NAV2: variants seen among roughly 807,000 people sequenced by gnomAD.
The protein encoded by NAV2 is neuron navigator 2, also known as helicase, APC down-regulated 1.
NAV2 carries 54 observed loss-of-function variants against 223.2 expected under a neutral mutation model. That is an observed-to-expected ratio of 0.24 (90% CI 0.19 to 0.30). The LOEUF is 0.30. NAV2 is among the 10% of genes least tolerant of loss of function. NAV2 has a pLI of 1.00. For missense variants in NAV2, 2,806 were observed against 3,147.5 expected, an observed-to-expected ratio of 0.89 and a Z score of 2.60; for synonymous variants, 1,279 against 1,239.3, an observed-to-expected ratio of 1.03 and a Z score of -0.67.
intron 26 of NAV2, among the ~76,000 whole-genome samples, chr11:20,089,549 C>A (rs542458707): frequency 6.6e-6 from 1 of 151,696 alleles, no homozygotes; most frequent in East Asian, 1.9e-4. Flanking sequence ...TCTGCAGAGA[C>A]CACATGCTCA....
intron 6 of NAV2, among the ~76,000 whole-genome samples, chr11:19,906,131 G>T (rs2042847120): frequency 6.6e-6 from 1 of 152,192 alleles, no homozygotes; most frequent in African/African-American, 2.4e-5. Context: ...CTGCATGCTG[G>T]CTGGTCTGTA....
rs564849694 is a variant in NAV2, at chr11:19,428,429, C to T, written c.75+77402C>T. On this transcript the variant is annotated intron_variant, in intron 1 of 37. Coordinates refer to the NAV2 transcript ENST00000360655. ...GCCTCACTGAGAATTAGCTCCTTGA[C>T]GCATTCAAGCTAGTGTACCTTCTTG... Among the ~76,000 whole-genome samples, 36 of 152,268 alleles carry T rather than the reference C, an allele frequency of 2.4e-4. No homozygotes were observed. The East Asian group carries it at 5.8e-3, about 24-fold the overall frequency.
chr11:19,772,895 G>A (rs1041971572), intron 1 of NAV2, among the ~76,000 whole-genome samples: 8 of 152,176 alleles, frequency 5.3e-5, no homozygotes, highest in African/African-American at 1.9e-4. Flanking sequence ...TATGTTATCT[G>A]GGAAATACAT....
intron 24 of NAV2, among the ~76,000 whole-genome samples, chr11:20,078,738 A>C (rs1041265413): frequency 6.6e-6 from 1 of 152,224 alleles, no homozygotes; most frequent in African/African-American, 2.4e-5. Context: ...GATTACGAGC[A>C]TGAGCCACCA....
chr11:19,984,749 C>T (rs1271219066), intron 11 of NAV2, among the ~76,000 whole-genome samples: 3 of 152,158 alleles, frequency 2.0e-5, no homozygotes, highest in South Asian at 2.1e-4. Context: ...AAGTAGTTGA[C>T]ATCATAGAGG....
intron 1 of NAV2, among the ~76,000 whole-genome samples, chr11:19,815,130 A>G (rs1439282073): frequency 6.6e-6 from 1 of 151,574 alleles, no homozygotes; most frequent in Non-Finnish European, 1.5e-5. Context: ...AGGTGTAGGG[A>G]AAAAAACCCC....
At chr11:19,891,660 T>C (rs2041507299) in intron 5 of NAV2, among the ~76,000 whole-genome samples, 1 of 152,200 alleles carries the variant, frequency 6.6e-6, no homozygotes, top group Non-Finnish European at 1.5e-5. Context: ...TGAAGGGAAA[T>C]GTATGTGTGG....
intron 1 of NAV2, among the ~76,000 whole-genome samples, chr11:19,614,469 A>G (rs546120080): frequency 2.0e-5 from 3 of 150,908 alleles, no homozygotes; most frequent in Non-Finnish European, 2.9e-5. Flanking sequence ...AAAATTGAGC[A>G]GAAGTACAGA....
chr11:19,934,106 G>GA lies in NAV2; in HGVS notation c.1866dup (p.Gly623ArgfsTer62). 6.2e-7 allele frequency: 1 copy of GA among 1,613,834 alleles called. No individual in the cohort carries two copies. Among genetic ancestry groups the GA allele is most frequent in the Non-Finnish European group, 8.5e-7 (1 of 1,179,862 alleles). On this transcript the variant is annotated frameshift_variant, in exon 7 of 38. Transcript: ENST00000349880. LOFTEE classifies it high-confidence loss of function. Reference sequence around the variant, plus strand: ...TCTTCCAGCCTGGCGTCCTCAGAAGGAAAAGGCCCAGGAGGGACCACCCTG... The same window carrying GA: ...TCTTCCAGCCTGGCGTCCTCAGAAGGAAAAAGGCCCAGGAGGGACCACCCTG...
chr11:19,980,770 A>G (rs1357025567), intron 10 of NAV2, among the ~76,000 whole-genome samples: 1 of 152,238 alleles, frequency 6.6e-6, no homozygotes, highest in Non-Finnish European at 1.5e-5. Context: ...TGACTGTATA[A>G]TACAGGAGTT....
intron 1 of NAV2, among the ~76,000 whole-genome samples, chr11:19,750,798 C>G (rs1174724242): frequency 6.6e-6 from 1 of 152,200 alleles, no homozygotes; most frequent in African/African-American, 2.4e-5. Flanking sequence ...TTTCTATACA[C>G]AAATGCCACA....
intron 1 of NAV2, among the ~76,000 whole-genome samples, chr11:19,778,630 T>C (rs899334737): frequency 2.0e-5 from 3 of 152,230 alleles, no homozygotes; most frequent in Non-Finnish European, 4.4e-5. Flanking sequence ...AACTTATTTG[T>C]TGGAAAAATG....
intron 1 of NAV2, among the ~76,000 whole-genome samples, chr11:19,797,675 G>A (rs1172355471): frequency 6.6e-6 from 1 of 152,148 alleles, no homozygotes; most frequent in Non-Finnish European, 1.5e-5. Flanking sequence ...GCCAGTTCTA[G>A]CACAATGGAT....
chr11:19,933,566 A>G lies in NAV2; in HGVS notation c.1322A>G (p.Glu441Gly). The change falls in exon 7 of 38, where the codon GAG becomes GGG. Residue 441 changes from glutamate (E) to glycine (G), a missense_variant. This residue lies in a region of NAV2 where 1,167 missense variants were observed against 1,180.5 expected (regional missense o/e 0.99). Coordinates refer to ENST00000349880, the MANE Select transcript of NAV2 (RefSeq NM_145117.5). The surrounding 1 kb of genome is among the most constrained non-coding windows in gnomAD (Gnocchi z 4.3). ...CTGCCCAGCTTCGAAGAGAGCGAGGAGCTGGAGGCCGCCAGTCGCATGCTC... is the reference window on the plus strand; with the variant it reads ...CTGCCCAGCTTCGAAGAGAGCGAGGGGCTGGAGGCCGCCAGTCGCATGCTC... The part of the protein sequence containing the change: ...ETLPSFEESE[E>G]LEAASRMLTT... The G allele has an allele frequency of 6.2e-7, 1 of 1,610,852 alleles. No individual in the cohort carries two copies.
At chr11:20,022,143 C>T (rs1262717088) in intron 11 of NAV2, among the ~76,000 whole-genome samples, 1 of 152,232 alleles carries the variant, frequency 6.6e-6, no homozygotes, top group Non-Finnish European at 1.5e-5. Context: ...TTTTGGAGAA[C>T]ATCTTAATCC....
chr11:19,573,032 T>G (rs2045468716), intron 1 of NAV2, among the ~76,000 whole-genome samples: 1 of 152,212 alleles, frequency 6.6e-6, no homozygotes, highest in Admixed American at 6.5e-5. Context: ...ACCTCTTGTT[T>G]AGGAAATGCT....
intron 10 of NAV2, among the ~76,000 whole-genome samples, chr11:19,963,868 G>T (rs915550181): frequency 6.6e-6 from 1 of 152,146 alleles, no homozygotes; most frequent in Non-Finnish European, 1.5e-5. Flanking sequence ...TCTGCACAGT[G>T]ATTTACCGAA....
chr11:19,380,028 A>G (rs1481794918), intron 1 of NAV2, among the ~76,000 whole-genome samples: 1 of 152,156 alleles, frequency 6.6e-6, no homozygotes, highest in African/African-American at 2.4e-5. Flanking sequence ...AAAGGGATAA[A>G]TACGGCCATG....
Position 19,742,719 on chromosome 11 carries a change from A to G in NAV2, c.267+28757A>G, listed in dbSNP as rs1261718750. Among the ~76,000 whole-genome samples, 2 of 152,216 alleles carry G rather than the reference A, an allele frequency of 1.3e-5. 1 individual carries two copies. Among genetic ancestry groups the G allele is most frequent in the Non-Finnish European group, 2.9e-5 (2 of 68,030 alleles). Reference sequence around the variant, plus strand: ...AGCAGGAATCCTTCAGTCCTGATGCACAGATGGGCAGGAAATCTAAAAGCC... The same window carrying G: ...AGCAGGAATCCTTCAGTCCTGATGCGCAGATGGGCAGGAAATCTAAAAGCC... On this transcript the variant is annotated intron_variant, in intron 1 of 37. Coordinates refer to ENST00000349880, the MANE Select transcript of NAV2 (RefSeq NM_145117.5).
Sources: gnomAD v4.1 joint callset for allele counts (sites outside exome capture counted in the v4.1 genomes callset) on GRCh38, gnomAD v4.1.1 for gene constraint, gnomAD v4.1.1 regional missense constraint, Gnocchi (gnomAD v3.1) non-coding constraint, MANE v1.5 for transcripts, NCBI Gene and HGNC (gene_info 2026-07-23, HGNC 2026-07-21) for gene names.